MFN2: variants seen among roughly 807,000 people sequenced by gnomAD.
MFN2 encodes the protein mitofusin-2.
Under a neutral mutation model 87.5 loss-of-function variants are expected in MFN2, and 43 were observed. The ratio of observed to expected loss-of-function variants is 0.49; its 90% CI spans 0.38 to 0.63. The LOEUF (loss-of-function observed/expected upper bound fraction) is 0.63. Ranked by LOEUF, MFN2 falls within the 30% of genes least tolerant of loss-of-function variation. The pLI is 0.00. For missense variants in MFN2, 743 were observed against 972.8 expected, an observed-to-expected ratio of 0.76 and a Z score of 3.14; for synonymous variants, 337 against 359.9, an observed-to-expected ratio of 0.94 and a Z score of 0.72.
In MFN2 at chr1:12,013,172, CA is replaced by C; in HGVS notation, c.*1609del. Reference sequence around the variant, plus strand: ...AGGGAAAATCACTGTCACACAATTCCAATGGATTTTGTGCTCTTTTTGAAAA... The same window carrying C: ...AGGGAAAATCACTGTCACACAATTCCATGGATTTTGTGCTCTTTTTGAAAA... On this transcript the variant is annotated 3_prime_UTR_variant, in exon 19 of 19. Transcript: ENST00000235329. The C allele has an allele frequency of 2.8e-6, 1 of 351,082 alleles. No individual in the cohort carries two copies. The highest frequency in any genetic ancestry group is 5.6e-6 in the Non-Finnish European group (1 of 178,462). 21.7% of individuals were successfully genotyped at this position (351,082 alleles called of 1,614,324 possible).
In MFN2 at chr1:12,004,124, A is replaced by G. The variant is rs778274550; in HGVS notation, c.1287+6A>G. 1.9e-6 allele frequency: 3 copies of G among 1,613,908 alleles called. No homozygotes were observed. Among genetic ancestry groups the G allele is most frequent in the South Asian group, 1.1e-5 (1 of 91,068 alleles). ...CGGAGGAAGTGGAGAGGCAGGTGAG[A>G]AATGAGGAGGAGGCATTCTGGGAAG... is the stretch of plus-strand genomic sequence containing the variant. On this transcript the variant is annotated splice_donor_region_variant and intron_variant, in intron 12 of 18. Coordinates refer to ENST00000235329, the MANE Select transcript of MFN2 (RefSeq NM_014874.4). This position sits in a 1 kb window ranked among gnomAD's most constrained non-coding sequence, Gnocchi z 4.2.
At chr1:12,001,626 C>G (rs1309955410) in intron 9 of MFN2, 72 bp downstream of exon 9, 14 of 1,609,716 alleles carry the variant, frequency 8.7e-6, no homozygotes, top group Non-Finnish European at 2.6e-6. Flanking sequence ...AGGAGTCTGT[C>G]AGTAGAAAAT....
rs1445005570 is a variant in MFN2 at position 12,006,708 on chromosome 1, C to T, written c.1872+15C>T. 2 of 1,603,144 alleles carry T rather than the reference C, an allele frequency of 1.2e-6. No individual in the cohort carries two copies. The highest frequency in any genetic ancestry group is 2.7e-5 in the African/African-American group (2 of 74,572). On this transcript the variant is annotated intron_variant, in intron 16 of 18. Transcript: ENST00000235329. ...TTGGAGGAGTGGTCAGTGACCAGTT[C>T]TGCTCGGGAAGGTGGGGGCGGAGGG...
At position 12,013,067 on chromosome 1, in the gene MFN2, C is replaced by G; in HGVS notation, c.*1502C>G. On this transcript the variant is annotated 3_prime_UTR_variant, in exon 19 of 19. Transcript: ENST00000235329. ...GTTGTGTGGGGCGAAGTGATGGACT[C>G]TGCCAGGTGGACATGCTGTGGGTGG... 1 of 337,186 alleles carries G rather than the reference C, an allele frequency of 3.0e-6. No homozygotes were observed. The highest frequency in any genetic ancestry group is 5.8e-6 in the Non-Finnish European group (1 of 173,190). 20.9% of individuals were successfully genotyped at this position (337,186 alleles called of 1,614,324 possible).
rs1000183195 is a variant in MFN2 at position 12,009,060 on chromosome 1, C to T, written c.2070-532C>T. On this transcript the variant is annotated intron_variant, in intron 17 of 18. Coordinates refer to ENST00000235329, the MANE Select transcript of MFN2 (RefSeq NM_014874.4). ...CAAAAAAATACGAAAACCAGTCAGG[C>T]GTGGCGGCGCGCGCCTGCAGTCGCA... Among the ~76,000 whole-genome samples, 10 of 152,308 alleles carry T rather than the reference C, an allele frequency of 6.6e-5. 1 individual carries two copies. The highest frequency in any genetic ancestry group is 9.6e-5 in the African/African-American group (4 of 41,568).
At chr1:11,987,700 C>T (rs1237664512) in intron 2 of MFN2, among the ~76,000 whole-genome samples, 7 of 150,530 alleles carry the variant, frequency 4.7e-5, no homozygotes, top group Non-Finnish European at 7.4e-5. Context: ...TTAATCCCAA[C>T]ACTTTGGGAA....
chr1:12,006,463 A>G (rs918344777), intron 15 of MFN2, 75 bp from the exon 16 acceptor site: 10 of 1,576,132 alleles, frequency 6.3e-6, no homozygotes, highest in Non-Finnish European at 7.8e-6. Flanking sequence ...TCCCCAGACT[A>G]GGGCAACACT....
chr1:11,980,933 C>CTGTT (rs1645972033), intron 1 of MFN2, among the ~76,000 whole-genome samples: 1 of 152,190 alleles, frequency 6.6e-6, no homozygotes, highest in South Asian at 2.1e-4. Context: ...GAGGGCAGGA[C>CTGTT]TGTTTCTTAT....
Position 12,006,654 on chromosome 1 carries a change from A to C in MFN2, c.1833A>C (p.Thr611=). 6.2e-7 allele frequency: 1 copy of C among 1,613,890 alleles called. No homozygotes were observed. The change falls in exon 16 of 19, where the codon ACA becomes ACC. Residue 611 remains threonine, a synonymous_variant. Transcript: ENST00000235329. ...TGGTTACCGGCCTGGCCTCCTTGAC[A>C]TCCAGGACCTCCATGGGCATTCTTG... ...VSMVTGLASL[T]SRTSMGILVV...
In MFN2 at chr1:12,013,459, T is replaced by C. The variant is rs900372567; in HGVS notation, c.*1894T>C. The C allele has an allele frequency of 4.6e-6, 2 of 437,028 alleles. No individual in the cohort carries two copies. The highest frequency in any genetic ancestry group is 2.8e-5 in the Admixed American group (1 of 35,312). 27.1% of individuals were successfully genotyped at this position (437,028 alleles called of 1,614,324 possible). On this transcript the variant is annotated 3_prime_UTR_variant, in exon 19 of 19. Transcript: ENST00000235329. ...GATGTATTTGCTTGAGTTACTCCTG[T>C]ATCATTGCTCATAATATTGGAAACT...
intron 3 of MFN2, among the ~76,000 whole-genome samples, chr1:11,991,237 G>T (rs149080170): frequency 9.8e-5 from 15 of 152,316 alleles, no homozygotes; most frequent in African/African-American, 3.6e-4. Flanking sequence ...TGGGTGCTGG[G>T]GTCAGATAGT....
In MFN2 at chr1:12,003,921, C is replaced by T. The variant is rs1639288749; in HGVS notation, c.1161-71C>T. On this transcript the variant is annotated intron_variant, in intron 11 of 18. Coordinates refer to ENST00000235329, the MANE Select transcript of MFN2 (RefSeq NM_014874.4). This position sits in a 1 kb window ranked among gnomAD's most constrained non-coding sequence, Gnocchi z 4.1. ...TAGCGGGCAGGGCGGCGTGGGATTTCTGGCATCCCCTCTTGCTCCTCTGCT... is the reference window on the plus strand; with the variant it reads ...TAGCGGGCAGGGCGGCGTGGGATTTTTGGCATCCCCTCTTGCTCCTCTGCT... 6.2e-7 allele frequency: 1 copy of T among 1,606,044 alleles called. No individual in the cohort carries two copies. The highest frequency in any genetic ancestry group is 8.5e-7 in the Non-Finnish European group (1 of 1,173,790).
chr1:11,992,806 C>T, intron 4 of MFN2, 116 bp downstream of exon 4: 1 of 1,262,244 alleles, frequency 7.9e-7, no homozygotes, highest in South Asian at 1.3e-5. Flanking sequence ...CATTGCTTTC[C>T]TCTTAATTTA....
At chr1:11,981,099 C>T (rs1421467726) in intron 1 of MFN2, among the ~76,000 whole-genome samples, 7 of 152,162 alleles carry the variant, frequency 4.6e-5, no homozygotes, top group Non-Finnish European at 1.0e-4. Flanking sequence ...CTCTCTTCTA[C>T]CCAGAAAAGG....
Position 12,007,039 on chromosome 1 carries a change from C to G in MFN2, c.1873-14C>G, listed in dbSNP as rs770138133. 1.9e-6 allele frequency: 3 copies of G among 1,612,902 alleles called. No homozygotes were observed. The highest frequency in any genetic ancestry group is 2.5e-6 in the Non-Finnish European group (3 of 1,179,986). ...CAGAGAGGCTGCACTCCAGGCTGAC[C>G]ATGTGCTCTGCAGGTGTGGAAGGCA... On this transcript the variant is annotated splice_polypyrimidine_tract_variant and intron_variant, in intron 16 of 18. Coordinates refer to ENST00000235329, the MANE Select transcript of MFN2 (RefSeq NM_014874.4).
intron 8 of MFN2, 150 bp from the exon 9 acceptor site, chr1:12,001,251 G>T: frequency 9.6e-7 from 1 of 1,042,302 alleles, no homozygotes; most frequent in Non-Finnish European, 1.4e-6. Flanking sequence ...GACCTCAAGT[G>T]ATCCACCTGC....
chr1:12,002,248 A>G (rs1029585724), intron 11 of MFN2, 145 bp downstream of exon 11: 105 of 1,374,560 alleles, frequency 7.6e-5, no homozygotes, highest in Non-Finnish European at 9.1e-5. Context: ...CCACCAGACC[A>G]TGTTAGAACC....
At chr1:11,989,138 G>T in intron 2 of MFN2, 27 bp from the exon 3 acceptor site, 1 of 1,613,022 alleles carries the variant, frequency 6.2e-7, no homozygotes, top group Non-Finnish European at 8.5e-7. Context: ...GTGTTGCTGG[G>T]TTCGCTCACG....
At chr1:11,998,531 G>A (rs1639030112) in intron 6 of MFN2, among the ~76,000 whole-genome samples, 1 of 147,306 alleles carries the variant, frequency 6.8e-6, no homozygotes, top group African/African-American at 2.5e-5. Flanking sequence ...CCGGGCGACA[G>A]AGCAAGACTC....
Sources: gnomAD v4.1 joint callset for allele counts (sites outside exome capture counted in the v4.1 genomes callset) on GRCh38, gnomAD v4.1.1 for gene constraint, Gnocchi (gnomAD v3.1) non-coding constraint, MANE v1.5 for transcripts, NCBI Gene and HGNC (gene_info 2026-07-23, HGNC 2026-07-21) for gene names.